The following PAG1 variants were observed in gnomAD, a reference collection of about 807,000 sequenced individuals.
The protein encoded by PAG1 is phosphoprotein membrane anchor with glycosphingolipid microdomains 1, also known as phosphoprotein associated with glycosphingolipid-enriched microdomains 1.
Under a neutral mutation model 31.7 loss-of-function variants are expected in PAG1, and 23 were observed. The ratio of observed to expected loss-of-function variants is 0.73; its 90% CI spans 0.52 to 1.03. The LOEUF (loss-of-function observed/expected upper bound fraction) is 1.03. PAG1 is among the 50% of genes least tolerant of loss of function. The pLI, the probability that PAG1 is intolerant of heterozygous loss-of-function variation, is 0.00. For synonymous variants in PAG1, 214 were observed against 210.3 expected (o/e 1.02, Z -0.15); for missense variants, 473 against 540.7 (o/e 0.87, Z 1.24).
At chr8:81,040,410 C>T (rs1808534123) in intron 2 of PAG1, among the ~76,000 whole-genome samples, 1 of 152,060 alleles carries the variant, frequency 6.6e-6, no homozygotes, top group South Asian at 2.1e-4. Flanking sequence ...AGCCATTTCA[C>T]CTACGCTACC....
chr8:81,109,743 C>A (rs1045809435), intron 1 of PAG1, among the ~76,000 whole-genome samples: 6 of 152,144 alleles, frequency 3.9e-5, no homozygotes, highest in African/African-American at 1.4e-4. Flanking sequence ...TCATTTAATT[C>A]TCACTACTGT....
At position 80,973,385 on chromosome 8, in the gene PAG1, T is replaced by TA. The variant is rs913577286; in HGVS notation, c.*3158dup. On this transcript the variant is annotated 3_prime_UTR_variant, in exon 9 of 9. Transcript: ENST00000220597. ...GACACACTAAAAACATTTGACAAAT[T>TA]AAAAAAATTTTGCATAAAACAGGTT... The TA allele has an allele frequency of 3.3e-5, 5 of 152,138 alleles. No individual in the cohort carries two copies. The highest frequency in any genetic ancestry group is 9.6e-5 in the African/African-American group (4 of 41,456). The allele number at this position is 152,138 out of a possible 1,614,324, so 9.4% of individuals were successfully genotyped here.
At position 80,970,728 on chromosome 8, in the gene PAG1, T is replaced by C. The variant is rs1325531911; in HGVS notation, c.*5816A>G. ...CGAAAGATGTGAGCAACAGTGTACA[T>C]GTTTTGGCAAAAGTCGTGACAAATA... On this transcript the variant is annotated 3_prime_UTR_variant, in exon 9 of 9. Transcript: ENST00000220597. 2.0e-5 allele frequency: 3 copies of C among 153,144 alleles called. No individual in the cohort carries two copies. Among genetic ancestry groups the C allele is most frequent in the Non-Finnish European group, 4.4e-5 (3 of 68,170 alleles). The allele number at this position is 153,144 out of a possible 1,614,324, so 9.5% of individuals were successfully genotyped here.
intron 3 of PAG1, among the ~76,000 whole-genome samples, chr8:80,994,198 A>C (rs967067897): frequency 6.6e-6 from 1 of 151,580 alleles, no homozygotes. Flanking sequence ...AATGTAACTA[A>C]TGAAATAGAA....
At chr8:80,991,116 C>A (rs1300864503) in intron 5 of PAG1, among the ~76,000 whole-genome samples, 2 of 152,168 alleles carry the variant, frequency 1.3e-5, no homozygotes, top group African/African-American at 4.8e-5. Context: ...CAGGAGAGGC[C>A]TAGAACAGAC....
intron 2 of PAG1, among the ~76,000 whole-genome samples, chr8:81,046,398 A>C (rs969604868): frequency 6.6e-6 from 1 of 152,178 alleles, no homozygotes; most frequent in African/African-American, 2.4e-5. Flanking sequence ...ACATCTCCCC[A>C]GTGAAATTTC....
intron 1 of PAG1, among the ~76,000 whole-genome samples, chr8:81,088,081 A>G (rs772448987): frequency 7.9e-5 from 12 of 152,132 alleles, no homozygotes; most frequent in Non-Finnish European, 1.2e-4. Flanking sequence ...CTTAATATCT[A>G]TTATCTCAAG....
At chr8:81,087,824 C>G (rs577815989) in intron 1 of PAG1, among the ~76,000 whole-genome samples, 1 of 152,262 alleles carries the variant, frequency 6.6e-6, no homozygotes, top group Non-Finnish European at 1.5e-5. Flanking sequence ...AGGCACCCTG[C>G]GCTGGGGCCA....
rs566678829 is a variant in PAG1, at chr8:81,050,556, A to G, written c.-175+19556T>C. Among the ~76,000 whole-genome samples the G allele has an allele frequency of 4.3e-4, 66 of 152,328 alleles. 2 individuals are homozygous for G. Among genetic ancestry groups the G allele is most frequent in the South Asian group, 1.0e-3 (5 of 4,830 alleles). On this transcript the variant is annotated intron_variant, in intron 2 of 8. Coordinates refer to ENST00000220597, the MANE Select transcript of PAG1 (RefSeq NM_018440.4). ...GTCATAAAATGCCATAAGACATGGG[A>G]GAGACCAAAGCTTAGTCCTGAAATA...
At chr8:81,011,726 T>A (rs1807988188) in intron 3 of PAG1, among the ~76,000 whole-genome samples, 1 of 152,246 alleles carries the variant, frequency 6.6e-6, no homozygotes, top group South Asian at 2.1e-4. Flanking sequence ...AATTTCATTT[T>A]AAGCTATAGT....
intron 1 of PAG1, among the ~76,000 whole-genome samples, chr8:81,097,634 C>T (rs1345079385): frequency 6.6e-6 from 1 of 151,020 alleles, no homozygotes; most frequent in Non-Finnish European, 1.5e-5. Context: ...AACCAAATGG[C>T]AATGATTCAA....
At chr8:81,101,935 T>C (rs1809616224) in intron 1 of PAG1, among the ~76,000 whole-genome samples, 1 of 152,152 alleles carries the variant, frequency 6.6e-6, no homozygotes, top group Non-Finnish European at 1.5e-5. Flanking sequence ...TATTAAAATA[T>C]ATACTCATAG....
At chr8:81,050,519 A>G (rs948550631) in intron 2 of PAG1, among the ~76,000 whole-genome samples, 1 of 152,176 alleles carries the variant, frequency 6.6e-6, no homozygotes, top group Non-Finnish European at 1.5e-5. Flanking sequence ...TTACCCCTTC[A>G]TAAGTGTAGC....
intron 2 of PAG1, among the ~76,000 whole-genome samples, chr8:81,057,777 T>C (rs948609943): frequency 2.0e-5 from 3 of 152,178 alleles, no homozygotes; most frequent in African/African-American, 4.8e-5. Flanking sequence ...TTTGGAAAAA[T>C]AGTATCACTG....
intron 3 of PAG1, among the ~76,000 whole-genome samples, chr8:81,005,100 C>T (rs968927154): frequency 3.3e-5 from 5 of 152,118 alleles, no homozygotes; most frequent in Non-Finnish European, 7.4e-5. Flanking sequence ...GGCAACAGAC[C>T]AAGTCACCTG....
intron 3 of PAG1, among the ~76,000 whole-genome samples, chr8:81,009,207 T>G (rs1807938111): frequency 6.6e-6 from 1 of 152,214 alleles, no homozygotes; most frequent in South Asian, 2.1e-4. Flanking sequence ...AGTTTTTTAT[T>G]TCATATGTTT....
At chr8:80,979,075 T>C (rs763822701) in intron 8 of PAG1, among the ~76,000 whole-genome samples, 4 of 152,262 alleles carry the variant, frequency 2.6e-5, no homozygotes, top group African/African-American at 9.6e-5. Context: ...AAAAAAACTT[T>C]CATATTTATT....
Position 80,993,234 on chromosome 8 carries a change from A to G in PAG1, c.-7T>C, listed in dbSNP as rs1586150760. ...GGCTCCCCGCGGGCCCCATGGCAGGAGCAGGCACTGGCACCAGCCGAGGGA... is the reference window on the plus strand; with the variant it reads ...GGCTCCCCGCGGGCCCCATGGCAGGGGCAGGCACTGGCACCAGCCGAGGGA... On this transcript the variant is annotated 5_prime_UTR_variant, in exon 4 of 9. Coordinates refer to ENST00000220597, the MANE Select transcript of PAG1 (RefSeq NM_018440.4). 1.2e-6 allele frequency: 2 copies of G among 1,600,612 alleles called. No individual in the cohort carries two copies. Among genetic ancestry groups the G allele is most frequent in the Admixed American group, 1.7e-5 (1 of 59,562 alleles).
chr8:81,099,153 C>CTT (rs1224157257), intron 1 of PAG1, among the ~76,000 whole-genome samples: 2 of 152,214 alleles, frequency 1.3e-5, no homozygotes, highest in Non-Finnish European at 2.9e-5. Context: ...AATGAATACA[C>CTT]TGTATTACCT....
Sources: gnomAD v4.1 joint callset for allele counts (sites outside exome capture counted in the v4.1 genomes callset) on GRCh38, gnomAD v4.1.1 for gene constraint, MANE v1.5 for transcripts, NCBI Gene and HGNC (gene_info 2026-07-23, HGNC 2026-07-21) for gene names.